Variants in PTPN2 observed in about 807,000 individuals in gnomAD.
PTPN2 encodes the protein protein tyrosine phosphatase non-receptor type 2.
In PTPN2, 19 loss-of-function variants were observed where a neutral mutation model predicts 57.3. The ratio of observed to expected loss-of-function variants is 0.33; its 90% CI spans 0.23 to 0.49. The LOEUF (loss-of-function observed/expected upper bound fraction) is 0.49. PTPN2 is among the 20% of genes least tolerant of loss of function. The pLI is 0.99. For missense variants in PTPN2, 358 were observed against 501.1 expected (o/e 0.71, Z 2.73); for synonymous variants, 153 against 164.9 (o/e 0.93, Z 0.55).
intron 2 of PTPN2, among the ~76,000 whole-genome samples, chr18:12,856,976 C>T (rs1480092116): frequency 6.8e-6 from 1 of 146,020 alleles, no homozygotes; most frequent in African/African-American, 2.5e-5. Context: ...AGGAGAATCG[C>T]TTGAATCCAG....
intron 4 of PTPN2, 89 bp downstream of exon 4, chr18:12,830,854 A>G (rs1729034241): frequency 5.9e-6 from 6 of 1,013,488 alleles, no homozygotes; most frequent in Non-Finnish European, 8.8e-6. Flanking sequence ...GCCAAAACTA[A>G]GGAATGAATA....
chr18:12,849,407 A>G (rs916811315), intron 2 of PTPN2, among the ~76,000 whole-genome samples: 1 of 152,166 alleles, frequency 6.6e-6, no homozygotes, highest in African/African-American at 2.4e-5. Flanking sequence ...GAAAATACAA[A>G]AATTAGCCAG....
intron 6 of PTPN2, among the ~76,000 whole-genome samples, chr18:12,815,827 C>A (rs543419453): frequency 1.3e-5 from 2 of 152,172 alleles, no homozygotes; most frequent in African/African-American, 4.8e-5. Flanking sequence ...CTCCATTGAT[C>A]AAGCTCCTTG....
intron 3 of PTPN2, among the ~76,000 whole-genome samples, chr18:12,832,039 G>C (rs966147128): frequency 6.6e-6 from 1 of 152,152 alleles, no homozygotes; most frequent in African/African-American, 2.4e-5. Context: ...ATGAGTTAGG[G>C]GCAGAGTCAG....
intron 1 of PTPN2, among the ~76,000 whole-genome samples, chr18:12,874,148 G>C (rs1006204325): frequency 2.6e-5 from 4 of 152,086 alleles, no homozygotes; most frequent in Non-Finnish European, 4.4e-5. Context: ...CCCCGTCCAG[G>C]AGGGAGGTGG....
At chr18:12,852,450 C>T (rs2043431591) in intron 2 of PTPN2, among the ~76,000 whole-genome samples, 1 of 152,210 alleles carries the variant, frequency 6.6e-6, no homozygotes, top group African/African-American at 2.4e-5. Context: ...TCTACAATGT[C>T]TCACAGTTAA....
intron 1 of PTPN2, among the ~76,000 whole-genome samples, chr18:12,864,840 TATAGAAATA>T (rs1441089125): frequency 3.3e-5 from 5 of 152,228 alleles, no homozygotes; most frequent in Admixed American, 2.6e-4. Flanking sequence ...TTGATTCTAC[TATAGAAATA>T]ATTTTGCTGG....
chr18:12,840,240 C>G (rs2042998590), intron 2 of PTPN2, among the ~76,000 whole-genome samples: 1 of 152,136 alleles, frequency 6.6e-6, no homozygotes, highest in African/African-American at 2.4e-5. Context: ...TCCAAGAACT[C>G]AAAGCATTTT....
At position 12,808,623 on chromosome 18, in the gene PTPN2, A is replaced by G. The variant is rs568314140; in HGVS notation, c.858+5580T>C. ...GTGAAACCCCATCTCTACTAAAAAT[A>G]CAAAATAATTAGCTGGGTGTGGTGG... On this transcript the variant is annotated intron_variant, in intron 7 of 8. Coordinates refer to ENST00000309660, the MANE Select transcript of PTPN2 (RefSeq NM_002828.4). Among the ~76,000 whole-genome samples the G allele has an allele frequency of 7.7e-4, 117 of 152,276 alleles. 2 individuals carry two copies. In the South Asian group the frequency reaches 0.023, roughly 30 times the overall value.
At chr18:12,819,617 C>T (rs7227207) in intron 5 of PTPN2, among the ~76,000 whole-genome samples, 41,885 of 151,064 alleles carry the variant, frequency 0.28, 6,356 homozygotes, top group South Asian at 0.52. Flanking sequence ...CACAACACGA[C>T]TGTACACCAA....
chr18:12,858,659 A>T (rs1425036113), intron 2 of PTPN2, among the ~76,000 whole-genome samples: 1 of 152,222 alleles, frequency 6.6e-6, no homozygotes, highest in African/African-American at 2.4e-5. Context: ...TATTTTTAAA[A>T]ACTCCAAAGA....
chr18:12,821,603 G>A (rs1285970900), intron 5 of PTPN2, among the ~76,000 whole-genome samples: 1 of 152,206 alleles, frequency 6.6e-6, no homozygotes, highest in Non-Finnish European at 1.5e-5. Flanking sequence ...CAGATCAGGA[G>A]GAGTGGCAGA....
chr18:12,874,360 C>T (rs1240771671), intron 1 of PTPN2, among the ~76,000 whole-genome samples: 1 of 134,328 alleles, frequency 7.4e-6, no homozygotes, highest in African/African-American at 2.9e-5. Context: ...GGCGCCTCTG[C>T]CCGGCCGCCC....
Position 12,792,552 on chromosome 18 carries a change from A to C in PTPN2, c.*1726T>G, listed in dbSNP as rs988359279. On this transcript the variant is annotated 3_prime_UTR_variant, in exon 9 of 9. Coordinates refer to ENST00000309660, the MANE Select transcript of PTPN2 (RefSeq NM_002828.4). Reference sequence around the variant, plus strand: ...CGCCTTGGCCTTCCGAAGTGCTGGGATTACAAGCGTGAGCCACCACACCCG... The same window carrying C: ...CGCCTTGGCCTTCCGAAGTGCTGGGCTTACAAGCGTGAGCCACCACACCCG... 1 of 152,518 alleles carries C rather than the reference A, an allele frequency of 6.6e-6. No individual in the cohort carries two copies. The highest frequency in any genetic ancestry group is 1.5e-5 in the Non-Finnish European group (1 of 68,514). 9.4% of individuals were successfully genotyped at this position (152,518 alleles called of 1,614,324 possible).
chr18:12,865,664 C>A (rs1469815440), intron 1 of PTPN2, among the ~76,000 whole-genome samples: 2 of 151,672 alleles, frequency 1.3e-5, no homozygotes, highest in South Asian at 4.2e-4. Flanking sequence ...AAAGAGTGAG[C>A]TGGGCAAAAA....
intron 1 of PTPN2, among the ~76,000 whole-genome samples, chr18:12,871,619 G>A (rs1360119129): frequency 6.6e-6 from 1 of 151,482 alleles, no homozygotes; most frequent in Non-Finnish European, 1.5e-5. Flanking sequence ...TTTTCTCTAG[G>A]TTTCTGTGAC....
intron 4 of PTPN2, 140 bp from the exon 5 acceptor site, chr18:12,826,084 C>A: frequency 1.6e-6 from 1 of 642,920 alleles, no homozygotes; most frequent in Non-Finnish European, 2.6e-6. Context: ...CTACTATATT[C>A]TACGCTTAAT....
At chr18:12,883,873 T>C (rs1243658701) in intron 1 of PTPN2, 200 bp downstream of exon 1, 5 of 313,624 alleles carry the variant, frequency 1.6e-5, no homozygotes, top group Admixed American at 1.5e-4. Flanking sequence ...AAGTATGCTT[T>C]TTTTTTTTTT....
intron 2 of PTPN2, among the ~76,000 whole-genome samples, chr18:12,853,556 C>T (rs2043468725): frequency 6.6e-6 from 1 of 152,164 alleles, no homozygotes; most frequent in African/African-American, 2.4e-5. Flanking sequence ...GAACGAGAAC[C>T]ACCACCTCCA....
Sources: gnomAD v4.1 joint callset for allele counts (sites outside exome capture counted in the v4.1 genomes callset) on GRCh38, gnomAD v4.1.1 for gene constraint, MANE v1.5 for transcripts, NCBI Gene and HGNC (gene_info 2026-07-23, HGNC 2026-07-21) for gene names.